ZEB1: variants seen among roughly 807,000 people sequenced by gnomAD.
The protein encoded by ZEB1 is zinc finger E-box binding homeobox 1, also known as zinc finger E-box-binding homeobox 1.
A neutral mutation model predicts 84.9 loss-of-function variants in ZEB1; 21 were observed. The observed-to-expected ratio is 0.25, with a 90% confidence interval of 0.18 to 0.36. The LOEUF (loss-of-function observed/expected upper bound fraction) is 0.36, where lower values mean the gene tolerates loss of function less well. Ranked by LOEUF, ZEB1 falls within the 10% of genes least tolerant of loss-of-function variation. ZEB1 has a pLI of 1.00. For synonymous variants in ZEB1, 420 were observed against 471.1 expected (o/e 0.89, Z 1.41); for missense variants, 1,104 against 1,330.2 (o/e 0.83, Z 2.65).
At chr10:31,381,827 A>G (rs1046396369) in intron 1 of ZEB1, 2 of 152,126 alleles carry the variant, frequency 1.3e-5, no homozygotes, top group Non-Finnish European at 2.9e-5. Flanking sequence ...CCTGGCCAAC[A>G]TGGTAAAACC....
rs1642175942 is a variant in ZEB1 at position 31,461,905 on chromosome 10, A to G, written c.259+668A>G. 2.0e-5 allele frequency among the ~76,000 whole-genome samples: 3 copies of G among 152,180 alleles called. No individual in the cohort carries two copies. The South Asian group carries it at 6.2e-4, about 31-fold the overall frequency. On this transcript the variant is annotated intron_variant, in intron 2 of 8. Coordinates refer to ENST00000424869, the MANE Select transcript of ZEB1 (RefSeq NM_001174096.2). ...CTTTTCCTAATAAACTAATTAAATT[A>G]TTTAGCCTGTCTTGCCAGGTTAAGC...
intron 1 of ZEB1, among the ~76,000 whole-genome samples, chr10:31,337,959 A>G (rs762997070): frequency 6.6e-6 from 1 of 152,126 alleles, no homozygotes; most frequent in African/African-American, 2.4e-5. Context: ...TTGGGATTAC[A>G]GGCATGAGAC....
Position 31,510,836 on chromosome 10 carries a change from T to G in ZEB1, c.648T>G (p.Leu216=). Residue 216 remains leucine (L), a synonymous_variant, in exon 5 of 9, where the codon CTT becomes CTG. Transcript: ENST00000424869. The part of the protein sequence containing the change: ...CSYTFAYRTQ[L]ERHMTSHKSG... ...ACACCTTTGCATACAGAACCCAACT[T>G]GAACGTCACATGACATCACATAAAT... 6.2e-7 allele frequency: 1 copy of G among 1,613,966 alleles called. No individual in the cohort carries two copies. The highest frequency in any genetic ancestry group is 8.5e-7 in the Non-Finnish European group (1 of 1,179,904).
intron 2 of ZEB1, among the ~76,000 whole-genome samples, chr10:31,465,380 G>A (rs2062281997): frequency 6.6e-6 from 1 of 151,528 alleles, no homozygotes; most frequent in Non-Finnish European, 1.5e-5. Flanking sequence ...ACTATAAAAT[G>A]GTTTTTGTAA....
chr10:31,387,366 G>T (rs570320043), intron 1 of ZEB1: 2 of 940,194 alleles, frequency 2.1e-6, no homozygotes, highest in African/African-American at 1.8e-5. Context: ...TCAGACGTTC[G>T]CACAGAAGGG....
chr10:31,459,699 A>C (rs2061605949), intron 1 of ZEB1, among the ~76,000 whole-genome samples: 2 of 152,036 alleles, frequency 1.3e-5, no homozygotes. Flanking sequence ...CACAGTGGTG[A>C]CCTCTGGTAC....
chr10:31,447,430 G>A (rs1357571472), intron 1 of ZEB1, among the ~76,000 whole-genome samples: 1 of 126,930 alleles, frequency 7.9e-6, no homozygotes, highest in Non-Finnish European at 1.6e-5. Flanking sequence ...AGTTAATATT[G>A]TTATGTGTGA....
chr10:31,498,380 A>C (rs1291181048), intron 3 of ZEB1, among the ~76,000 whole-genome samples: 1 of 152,030 alleles, frequency 6.6e-6, no homozygotes, highest in Non-Finnish European at 1.5e-5. Context: ...CTGTGATCTC[A>C]GAAGAGCTTT....
chr10:31,385,791 G>T (rs889557368), intron 1 of ZEB1, among the ~76,000 whole-genome samples: 16 of 152,058 alleles, frequency 1.1e-4, no homozygotes, highest in African/African-American at 3.9e-4. Flanking sequence ...CTCTCAAAGT[G>T]CTGGAATTAC....
intron 1 of ZEB1, chr10:31,358,238 T>C (rs140909833): frequency 2.0e-5 from 3 of 152,302 alleles, no homozygotes; most frequent in Admixed American, 1.3e-4. Flanking sequence ...GAAGGAAGCG[T>C]TGGATAGGCT....
chr10:31,320,154 G>C (rs1023543777), intron 1 of ZEB1: 4 of 151,906 alleles, frequency 2.6e-5, no homozygotes, highest in Admixed American at 2.6e-4. Flanking sequence ...CCCGCGAGTG[G>C]GGTCCACGTT....
intron 1 of ZEB1, among the ~76,000 whole-genome samples, chr10:31,402,195 A>G (rs983664980): frequency 3.3e-5 from 5 of 152,064 alleles, no homozygotes; most frequent in African/African-American, 4.8e-5. Flanking sequence ...GGACATAGGA[A>G]AAGTGTAGGT....
chr10:31,422,077 C>G (rs906409681), intron 1 of ZEB1, among the ~76,000 whole-genome samples: 1 of 152,082 alleles, frequency 6.6e-6, no homozygotes, highest in African/African-American at 2.4e-5. Context: ...TTACTCTGGC[C>G]TACAGTTCTT....
intron 1 of ZEB1, among the ~76,000 whole-genome samples, chr10:31,452,774 A>AGAGT: frequency 6.9e-6 from 1 of 145,530 alleles, no homozygotes; most frequent in African/African-American, 2.6e-5. Context: ...AGAGAGAGAG[A>AGAGT]GATGTTATTG....
intron 1 of ZEB1, among the ~76,000 whole-genome samples, chr10:31,331,077 C>CTTTTTTTTTTTTTT (rs1238584690): frequency 4.5e-5 from 4 of 89,044 alleles, no homozygotes; most frequent in African/African-American, 1.1e-4. Flanking sequence ...TTTTTTCTTT[C>CTTTTTTTTTTTTTT]TTTCTTTTTT....
At chr10:31,497,273 T>A (rs960038521) in intron 3 of ZEB1, among the ~76,000 whole-genome samples, 2 of 152,138 alleles carry the variant, frequency 1.3e-5, no homozygotes, top group Admixed American at 1.3e-4. Flanking sequence ...TCCAAAAAGA[T>A]GCTCACAGGT....
chr10:31,507,631 T>G (rs2069214683), intron 4 of ZEB1, among the ~76,000 whole-genome samples: 1 of 152,034 alleles, frequency 6.6e-6, no homozygotes, highest in Non-Finnish European at 1.5e-5. Flanking sequence ...TTCAGTTGTC[T>G]TTTGTCTTTC....
intron 1 of ZEB1, among the ~76,000 whole-genome samples, chr10:31,445,544 C>T (rs1188680103): frequency 6.6e-6 from 1 of 151,920 alleles, no homozygotes; most frequent in Non-Finnish European, 1.5e-5. Flanking sequence ...ATGATATTGG[C>T]TGTGGGTCTG....
intron 1 of ZEB1, among the ~76,000 whole-genome samples, chr10:31,335,242 A>G (rs761437215): frequency 6.6e-5 from 10 of 152,134 alleles, no homozygotes; most frequent in Admixed American, 5.2e-4. Context: ...TGTCCAGCAT[A>G]TCCACACTGT....
Sources: allele counts gnomAD v4.1 joint callset (sites outside exome capture counted in the v4.1 genomes callset), GRCh38; gene constraint gnomAD v4.1.1; transcripts MANE v1.5; gene names NCBI Gene and HGNC (gene_info 2026-07-23, HGNC 2026-07-21).